Variants in FBP1 observed in about 807,000 individuals in gnomAD.
FBP1 encodes fructose-bisphosphatase 1.
Under a neutral mutation model 29.9 loss-of-function variants are expected in FBP1, and 22 were observed. The ratio of observed to expected loss-of-function variants is 0.74; its 90% CI spans 0.53 to 1.05. The LOEUF (loss-of-function observed/expected upper bound fraction) is 1.05. Among genes scored for constraint, FBP1 ranks in the 50% least tolerant of loss-of-function variants. The pLI is 0.00. For synonymous variants in FBP1, 175 were observed against 178.6 expected, an observed-to-expected ratio of 0.98 and a Z score of 0.16; for missense variants, 345 against 448.2, an observed-to-expected ratio of 0.77 and a Z score of 2.08.
chr9:94,621,200 C>T (rs1827942436), intron 1 of FBP1, among the ~76,000 whole-genome samples: 1 of 115,020 alleles, frequency 8.7e-6, no homozygotes, highest in Non-Finnish European at 1.6e-5. Flanking sequence ...GGCGACAGAG[C>T]GAGACTCCGT....
intron 3 of FBP1, among the ~76,000 whole-genome samples, chr9:94,611,810 T>C (rs367947142): frequency 2.6e-5 from 4 of 152,188 alleles, no homozygotes; most frequent in Admixed American, 2.0e-4. Flanking sequence ...ACTGTCAGAC[T>C]TTCCATGGCG....
Position 94,621,213 on chromosome 9 carries a change from CAAAA to C in FBP1, c.171-726_171-723del, listed in dbSNP as rs57221045. Among the ~76,000 whole-genome samples the C allele has an allele frequency of 6.4e-3, 283 of 43,958 alleles. 2 individuals carry two copies. Among genetic ancestry groups the C allele is most frequent in the African/African-American group, 0.025 (265 of 10,626 alleles). The allele number at this position is 43,958 out of a possible 152,430, so 28.8% of individuals were successfully genotyped here. ...TGGGCGACAGAGCGAGACTCCGTCT[CAAAA>C]AAAAAAAAAAAAAAAAAAAATACAA... On this transcript the variant is annotated intron_variant, in intron 1 of 6. Coordinates refer to ENST00000375326, the MANE Select transcript of FBP1 (RefSeq NM_000507.4).
chr9:94,626,425 G>C (rs569837943), intron 1 of FBP1, among the ~76,000 whole-genome samples: 1 of 152,264 alleles, frequency 6.6e-6, no homozygotes, highest in African/African-American at 2.4e-5. Flanking sequence ...CATGTCTCCA[G>C]GTCTCCTCTG....
At chr9:94,633,050 C>G (rs1202314559) in intron 1 of FBP1, among the ~76,000 whole-genome samples, 1 of 152,234 alleles carries the variant, frequency 6.6e-6, no homozygotes, top group Non-Finnish European at 1.5e-5. Context: ...TTCAGCGTTT[C>G]CAAAATGTTG....
intron 1 of FBP1, among the ~76,000 whole-genome samples, chr9:94,637,872 C>T (rs898700858): frequency 2.0e-5 from 3 of 151,776 alleles, no homozygotes; most frequent in East Asian, 2.0e-4. Flanking sequence ...CACCGGAGGT[C>T]GGGAGTTCGA....
intron 5 of FBP1, among the ~76,000 whole-genome samples, chr9:94,606,324 T>A (rs1288839040): frequency 6.6e-6 from 1 of 152,136 alleles, no homozygotes; most frequent in Admixed American, 6.6e-5. Context: ...TCGAGATAAC[T>A]GATAGATGCA....
intron 6 of FBP1, among the ~76,000 whole-genome samples, chr9:94,604,663 A>G (rs1421631315): frequency 6.6e-6 from 1 of 152,140 alleles, no homozygotes; most frequent in Non-Finnish European, 1.5e-5. Context: ...GGGCACCTGT[A>G]ATCCCAGCTA....
intron 5 of FBP1, among the ~76,000 whole-genome samples, chr9:94,606,040 C>G (rs950542898): frequency 6.6e-6 from 1 of 151,940 alleles, no homozygotes; most frequent in Non-Finnish European, 1.5e-5. Flanking sequence ...TGTGCGTGTG[C>G]GGAGCTTGGG....
intron 1 of FBP1, among the ~76,000 whole-genome samples, chr9:94,621,829 G>T (rs28369693): frequency 0.46 from 69,616 of 151,726 alleles, 16,432 homozygotes; most frequent in East Asian, 0.78. Flanking sequence ...AGCCTGAGTT[G>T]CGAGCCAAGC....
chr9:94,639,402 C>G lies in FBP1; in HGVS notation c.-92G>C. ...GCAAGAGAGGGCAGTAGGCACTGGC[C>G]GCAGGTGCGGAGCTGCAGGTGCGGG... On this transcript the variant is annotated 5_prime_UTR_variant, in exon 1 of 7. Coordinates refer to ENST00000375326, the MANE Select transcript of FBP1 (RefSeq NM_000507.4). 2 of 1,432,556 alleles carry G rather than the reference C, an allele frequency of 1.4e-6. No homozygotes were observed. Among genetic ancestry groups the G allele is most frequent in the Non-Finnish European group, 1.9e-6 (2 of 1,042,140 alleles). The allele number at this position is 1,432,556 out of a possible 1,614,324, so 88.7% of individuals were successfully genotyped here.
intron 1 of FBP1, among the ~76,000 whole-genome samples, chr9:94,623,866 ATAAG>A (rs1472963572): frequency 7.2e-5 from 11 of 152,210 alleles, no homozygotes; most frequent in African/African-American, 2.7e-4. Flanking sequence ...CAAGAAATAA[ATAAG>A]TGTTTTGGAA....
At chr9:94,627,848 C>T (rs1316969809) in intron 1 of FBP1, among the ~76,000 whole-genome samples, 1 of 152,194 alleles carries the variant, frequency 6.6e-6, no homozygotes, top group Non-Finnish European at 1.5e-5. Context: ...CCCAGGCCAA[C>T]TGTGCCTTAC....
chr9:94,605,403 C>T (rs1478281266), intron 6 of FBP1, 54 bp downstream of exon 6: 11 of 1,596,258 alleles, frequency 6.9e-6, no homozygotes, highest in Admixed American at 3.4e-5. Context: ...AACTAAATCG[C>T]GTGGGCTGCA....
chr9:94,606,698 C>A, intron 5 of FBP1, 117 bp downstream of exon 5: 1 of 1,022,342 alleles, frequency 9.8e-7, no homozygotes. Flanking sequence ...CCACATGAGG[C>A]CCAAGGCCCT....
rs1827637598 is a variant in FBP1 at position 94,603,293 on chromosome 9, T to C, written c.*88A>G. 2 of 1,029,860 alleles carry C rather than the reference T, an allele frequency of 1.9e-6. No individual in the cohort carries two copies. Among genetic ancestry groups the C allele is most frequent in the African/African-American group, 3.2e-5 (2 of 63,222 alleles). 63.8% of individuals were successfully genotyped at this position (1,029,860 alleles called of 1,614,324 possible). On this transcript the variant is annotated 3_prime_UTR_variant, in exon 7 of 7. Coordinates refer to ENST00000375326, the MANE Select transcript of FBP1 (RefSeq NM_000507.4). ...GCTTTTTATTTCTGCTCTCTAGGAATGTAAGGTGCACAGCAGGTCAGGGTA... is the reference window on the plus strand; with the variant it reads ...GCTTTTTATTTCTGCTCTCTAGGAACGTAAGGTGCACAGCAGGTCAGGGTA...
At chr9:94,607,981 CG>C (rs1827725648) in intron 4 of FBP1, among the ~76,000 whole-genome samples, 1 of 151,898 alleles carries the variant, frequency 6.6e-6, no homozygotes, top group South Asian at 2.1e-4. Context: ...ACAAGTATAC[CG>C]GAATATTCTT....
chr9:94,615,944 C>A (rs921505075), intron 3 of FBP1, among the ~76,000 whole-genome samples: 1 of 151,940 alleles, frequency 6.6e-6, no homozygotes, highest in Non-Finnish European at 1.5e-5. Context: ...TCTCCTGCCT[C>A]AGCCTCCTGA....
chr9:94,616,577 C>T (rs1003337481), intron 3 of FBP1, among the ~76,000 whole-genome samples: 3 of 151,660 alleles, frequency 2.0e-5, no homozygotes, highest in East Asian at 3.9e-4. Flanking sequence ...GGACTACAGG[C>T]GCCCACCACC....
chr9:94,622,940 C>A (rs761436999), intron 1 of FBP1, among the ~76,000 whole-genome samples: 9 of 152,106 alleles, frequency 5.9e-5, no homozygotes, highest in Non-Finnish European at 8.8e-5. Context: ...CCTTTCCAGC[C>A]TGAGAGTTGC....
Sources: allele counts gnomAD v4.1 joint callset (sites outside exome capture counted in the v4.1 genomes callset), GRCh38; gene constraint gnomAD v4.1.1; transcripts MANE v1.5; gene names NCBI Gene and HGNC (gene_info 2026-07-23, HGNC 2026-07-21).